The following CRYZ variants were observed in gnomAD, a reference collection of about 807,000 sequenced individuals.
CRYZ encodes zeta-crystallin.
A neutral mutation model predicts 34.1 loss-of-function variants in CRYZ; 35 were observed. The ratio of observed to expected loss-of-function variants is 1.03; its 90% CI spans 0.78 to 1.36. The LOEUF (loss-of-function observed/expected upper bound fraction) is 1.36. Ranked by LOEUF, CRYZ falls within the 40% of genes most tolerant of loss-of-function variation. The pLI is 0.00. For synonymous variants in CRYZ, 137 were observed against 136.5 expected (o/e 1.00, Z -0.03); for missense variants, 403 against 391.8 (o/e 1.03, Z -0.24).
At chr1:74,711,721 C>G (rs150046644) in intron 5 of CRYZ, among the ~76,000 whole-genome samples, 365 of 152,106 alleles carry the variant, frequency 2.4e-3, no homozygotes, top group African/African-American at 8.2e-3. Flanking sequence ...CCACTGCACT[C>G]CAGTCTGGGC....
At chr1:74,712,795 C>T (rs2100700308) in intron 5 of CRYZ, among the ~76,000 whole-genome samples, 1 of 152,306 alleles carries the variant, frequency 6.6e-6, no homozygotes, top group African/African-American at 2.4e-5. Context: ...GTTCTAACTG[C>T]TTTAAAAGGG....
At chr1:74,714,838 T>C (rs1647050574) in intron 4 of CRYZ, among the ~76,000 whole-genome samples, 1 of 152,178 alleles carries the variant, frequency 6.6e-6, no homozygotes, top group Non-Finnish European at 1.5e-5. Context: ...CAAATATTTA[T>C]TGGGAGTCTT....
At position 74,723,084 on chromosome 1, in the gene CRYZ, T is replaced by C. The variant is rs374089276; in HGVS notation, c.264+34A>G. On this transcript the variant is annotated intron_variant, in intron 3 of 8. Transcript: ENST00000340866. ...GTTCAAATATTTTTATGAAATAAAT[T>C]CAGCCAAAATAGAAATAATTAAAAA... is the stretch of plus-strand genomic sequence containing the variant. 3.1e-4 allele frequency: 501 copies of C among 1,594,806 alleles called. 2 individuals carry two copies. The highest frequency in any genetic ancestry group is 1.0e-3 in the Admixed American group (57 of 56,264).
intron 5 of CRYZ, among the ~76,000 whole-genome samples, chr1:74,714,164 C>T (rs1290201822): frequency 6.6e-6 from 1 of 152,004 alleles, no homozygotes. Flanking sequence ...GTGGCTTTAC[C>T]GTGCTGTCTG....
Position 74,706,893 on chromosome 1 carries a change from T to TC in CRYZ, c.828+5dup. On this transcript the variant is annotated splice_donor_region_variant and intron_variant, in intron 8 of 8. Coordinates refer to ENST00000340866, the MANE Select transcript of CRYZ (RefSeq NM_001889.4). ...TTACCAAAATCAGAAGTACTTCTTTTCCTACCTTGGTTGAGGAAAAGAGAG... is the reference window on the plus strand; with the variant it reads ...TTACCAAAATCAGAAGTACTTCTTTTCCCTACCTTGGTTGAGGAAAAGAGAG... 6.2e-7 allele frequency: 1 copy of TC among 1,610,280 alleles called. No individual in the cohort carries two copies. Among genetic ancestry groups the TC allele is most frequent in the East Asian group, 2.2e-5 (1 of 44,822 alleles).
chr1:74,723,416 A>C (rs1647201457), intron 2 of CRYZ, 146 bp from the exon 3 acceptor site: 3 of 685,874 alleles, frequency 4.4e-6, no homozygotes, highest in Non-Finnish European at 7.4e-6. Flanking sequence ...CTCACATTCC[A>C]AGTTTTACAA....
chr1:74,723,300 A>G (rs753642236), intron 2 of CRYZ, 30 bp from the exon 3 acceptor site: 16 of 1,601,162 alleles, frequency 1.0e-5, no homozygotes, highest in Non-Finnish European at 1.3e-5. Context: ...TAGTTCACAG[A>G]AAGAATTTAG....
At chr1:74,719,552 A>G (rs921648753) in intron 3 of CRYZ, among the ~76,000 whole-genome samples, 180 bp from the exon 4 acceptor site, 1 of 151,708 alleles carries the variant, frequency 6.6e-6, no homozygotes, top group Admixed American at 6.6e-5. Context: ...CTGGAGTGCA[A>G]TGGCATGATC....
chr1:74,708,349 G>A (rs1646958175), intron 6 of CRYZ: 1 of 152,154 alleles, frequency 6.6e-6, no homozygotes, highest in Non-Finnish European at 1.5e-5. Flanking sequence ...ATTACTGCAT[G>A]TGCAAGTGCA....
At position 74,705,579 on chromosome 1, in the gene CRYZ, A is replaced by T. The variant is rs913133503; in HGVS notation, c.*717T>A. On this transcript the variant is annotated 3_prime_UTR_variant, in exon 9 of 9. Transcript: ENST00000340866. ...ATCAAATTTGTGAGCTTAATTAACAAAAATATTTGACCCTCACCAGAAAAA... is the reference window on the plus strand; with the variant it reads ...ATCAAATTTGTGAGCTTAATTAACATAAATATTTGACCCTCACCAGAAAAA... 4 of 152,150 alleles carry T rather than the reference A, an allele frequency of 2.6e-5. No individual in the cohort carries two copies. Among genetic ancestry groups the T allele is most frequent in the Admixed American group, 2.6e-4 (4 of 15,272 alleles). The allele number at this position is 152,150 out of a possible 1,614,324, so 9.4% of individuals were successfully genotyped here. A position where few individuals can be genotyped will look rare whatever the true frequency, so the allele number is the denominator to read the frequency against.
At chr1:74,719,955 T>C (rs945399782) in intron 3 of CRYZ, among the ~76,000 whole-genome samples, 68 of 152,096 alleles carry the variant, frequency 4.5e-4, no homozygotes, top group African/African-American at 1.6e-3. Flanking sequence ...GAGCTTGCTA[T>C]ACCAGGCACT....
chr1:74,713,610 C>T (rs908469877), intron 5 of CRYZ, among the ~76,000 whole-genome samples: 2 of 152,044 alleles, frequency 1.3e-5, no homozygotes, highest in Non-Finnish European at 2.9e-5. Context: ...CCTAAAGAAA[C>T]AGAGAGACAA....
intron 5 of CRYZ, among the ~76,000 whole-genome samples, chr1:74,710,919 C>T (rs1013231872): frequency 6.6e-6 from 1 of 151,986 alleles, no homozygotes; most frequent in Admixed American, 6.6e-5. Flanking sequence ...ATAAGACTGG[C>T]TGTTGGGTTA....
At chr1:74,712,813 T>C (rs1018699657) in intron 5 of CRYZ, among the ~76,000 whole-genome samples, 4 of 152,180 alleles carry the variant, frequency 2.6e-5, no homozygotes, top group Admixed American at 1.3e-4. Context: ...GGGCACTCAA[T>C]AGCTCTTTTA....
At chr1:74,715,198 T>C (rs1647055429) in intron 4 of CRYZ, among the ~76,000 whole-genome samples, 1 of 152,192 alleles carries the variant, frequency 6.6e-6, no homozygotes, top group Non-Finnish European at 1.5e-5. Flanking sequence ...GGAAATGCAA[T>C]AAATTCTATC....
intron 4 of CRYZ, among the ~76,000 whole-genome samples, 175 bp downstream of exon 4, chr1:74,719,034 C>T (rs550687823): frequency 3.9e-5 from 6 of 152,080 alleles, no homozygotes; most frequent in Non-Finnish European, 8.8e-5. Context: ...TTCTTTGTAT[C>T]CCTAGTGATT....
At chr1:74,718,613 A>G (rs1647109078) in intron 4 of CRYZ, among the ~76,000 whole-genome samples, 1 of 152,082 alleles carries the variant, frequency 6.6e-6, no homozygotes, top group Admixed American at 6.6e-5. Flanking sequence ...GTTTTTCCCC[A>G]TACTATTCCC....
At chr1:74,728,922 C>T (rs949785466) in intron 1 of CRYZ, among the ~76,000 whole-genome samples, 2 of 152,054 alleles carry the variant, frequency 1.3e-5, no homozygotes, top group African/African-American at 2.4e-5. Context: ...CAGTCTCTGA[C>T]GGGGAGATGA....
intron 1 of CRYZ, 36 bp from the exon 2 acceptor site, chr1:74,724,870 G>T (rs532681616): frequency 1.6e-6 from 2 of 1,225,872 alleles, no homozygotes; most frequent in South Asian, 2.5e-5. Context: ...TTGTCACATT[G>T]TATCTAGGAT....
Sources: gnomAD v4.1 joint callset for allele counts (sites outside exome capture counted in the v4.1 genomes callset) on GRCh38, gnomAD v4.1.1 for gene constraint, MANE v1.5 for transcripts, NCBI Gene and HGNC (gene_info 2026-07-23, HGNC 2026-07-21) for gene names.